Variants in CNOT4 observed in about 807,000 individuals in gnomAD.
CNOT4 encodes CCR4-associated factor 4.
A neutral mutation model predicts 73.8 loss-of-function variants in CNOT4; 8 were observed. The ratio of observed to expected loss-of-function variants is 0.11; its 90% CI spans 0.06 to 0.20. The LOEUF is 0.20. Ranked by LOEUF, CNOT4 falls within the 10% of genes least tolerant of loss-of-function variation. The pLI is 1.00. For missense variants in CNOT4, 564 were observed against 883.4 expected, an observed-to-expected ratio of 0.64 and a Z score of 4.58; for synonymous variants, 293 against 321.1, an observed-to-expected ratio of 0.91 and a Z score of 0.94.
In CNOT4 at chr7:135,362,701, A is replaced by G. The variant is rs1585532738; in HGVS notation, c.*184T>C. On this transcript the variant is annotated 3_prime_UTR_variant, in exon 12 of 12. Coordinates refer to ENST00000541284, the MANE Select transcript of CNOT4 (RefSeq NM_001190850.2). Reference sequence around the variant, plus strand: ...TGCTGGATCAACAAAAATTTTTACAATTAATAAAGAGATGGTAATGACCCT... The same window carrying G: ...TGCTGGATCAACAAAAATTTTTACAGTTAATAAAGAGATGGTAATGACCCT... 1 of 751,900 alleles carries G rather than the reference A, an allele frequency of 1.3e-6. No individual in the cohort carries two copies. Among genetic ancestry groups the G allele is most frequent in the South Asian group, 1.4e-5 (1 of 71,962 alleles). The allele number at this position is 751,900 out of a possible 1,614,324, so 46.6% of individuals were successfully genotyped here.
At chr7:135,440,061 C>A (rs950610034) in intron 1 of CNOT4, among the ~76,000 whole-genome samples, 1 of 149,508 alleles carries the variant, frequency 6.7e-6, no homozygotes. Flanking sequence ...AATTCAGAAG[C>A]CATAAAAGGA....
chr7:135,428,034 T>C (rs561784119), intron 2 of CNOT4, among the ~76,000 whole-genome samples: 1 of 152,170 alleles, frequency 6.6e-6, no homozygotes, highest in Admixed American at 6.5e-5. Context: ...CAGAGGATAG[T>C]CTCAGGGTAA....
At chr7:135,424,782 CCTT>C (rs1046412862) in intron 2 of CNOT4, among the ~76,000 whole-genome samples, 3 of 151,994 alleles carry the variant, frequency 2.0e-5, no homozygotes, top group African/African-American at 7.2e-5. Context: ...GAGCCAGACT[CCTT>C]CTCAAAAACA....
chr7:135,438,395 T>C lies in CNOT4; in HGVS notation c.-64A>G. ...TTTAAGGGAGAAGGAAGTTCAGCAC[T>C]GAAAGCTAAAATGTAGGACTTTGAC... On this transcript the variant is annotated 5_prime_UTR_variant, in exon 2 of 12. Coordinates refer to ENST00000541284, the MANE Select transcript of CNOT4 (RefSeq NM_001190850.2). 1.4e-6 allele frequency: 2 copies of C among 1,382,090 alleles called. No individual in the cohort carries two copies. The highest frequency in any genetic ancestry group is 1.9e-6 in the Non-Finnish European group (2 of 1,028,950). 85.6% of individuals were successfully genotyped at this position (1,382,090 alleles called of 1,614,324 possible).
rs1209623169 is a variant in CNOT4, at chr7:135,510,070, G to T, written c.-274C>A. ...TTTCGGTGGGTTCCACAGCCAGACG[G>T]GCCACCATCTTACATTAGGGTAAGA... On this transcript the variant is annotated 5_prime_UTR_variant, in exon 1 of 12. Coordinates refer to ENST00000541284, the MANE Select transcript of CNOT4 (RefSeq NM_001190850.2). The T allele has an allele frequency of 1.5e-5, 6 of 399,064 alleles. No homozygotes were observed. Among genetic ancestry groups the T allele is most frequent in the Non-Finnish European group, 2.7e-5 (6 of 226,192 alleles). The allele number at this position is 399,064 out of a possible 1,614,324, so 24.7% of individuals were successfully genotyped here.
At chr7:135,411,569 G>C (rs1490153998) in intron 6 of CNOT4, among the ~76,000 whole-genome samples, 1 of 151,966 alleles carries the variant, frequency 6.6e-6, no homozygotes, top group African/African-American at 2.4e-5. Flanking sequence ...ATTAGGCAAA[G>C]ATTGCCTGTG....
chr7:135,502,177 TG>T (rs1160158998), intron 1 of CNOT4, among the ~76,000 whole-genome samples: 1 of 152,238 alleles, frequency 6.6e-6, no homozygotes, highest in African/African-American at 2.4e-5. Context: ...TTATCCAGTC[TG>T]TGGTATTCTG....
chr7:135,442,868 G>A (rs1344496804), intron 1 of CNOT4, among the ~76,000 whole-genome samples: 1 of 152,020 alleles, frequency 6.6e-6, no homozygotes, highest in African/African-American at 2.4e-5. Flanking sequence ...GACCAGCCTG[G>A]GCAACACAAG....
intron 4 of CNOT4, 71 bp downstream of exon 4, chr7:135,415,105 T>TCTTATTAGCAGGCTG: frequency 1.1e-6 from 1 of 878,910 alleles, no homozygotes; most frequent in South Asian, 1.5e-5. Flanking sequence ...GAGAGCAAAG[T>TCTTATTAGCAGGCTG]TTCCTTTGGA....
chr7:135,475,754 CA>C (rs562849431), intron 1 of CNOT4, among the ~76,000 whole-genome samples: 1 of 151,876 alleles, frequency 6.6e-6, no homozygotes. Flanking sequence ...TACACACACA[CA>C]AAAAAATCAG....
At chr7:135,460,158 C>T (rs1563063412) in intron 1 of CNOT4, among the ~76,000 whole-genome samples, 1 of 152,212 alleles carries the variant, frequency 6.6e-6, no homozygotes, top group Non-Finnish European at 1.5e-5. Flanking sequence ...CTGGTTTCAT[C>T]TTCTAGGCAG....
chr7:135,467,550 A>C (rs1801299591), intron 1 of CNOT4, among the ~76,000 whole-genome samples: 2 of 152,072 alleles, frequency 1.3e-5, no homozygotes, highest in African/African-American at 4.8e-5. Flanking sequence ...ATATCCACAA[A>C]AATAAAAAAT....
chr7:135,441,460 T>C lies in CNOT4; in HGVS notation c.-92-3037A>G, dbSNP rs576623982. On this transcript the variant is annotated intron_variant, in intron 1 of 11. Coordinates refer to ENST00000541284, the MANE Select transcript of CNOT4 (RefSeq NM_001190850.2). The stretch of plus-strand genomic sequence containing the variant: ...TGCCACTATCAGTTTTCAGCATATA[T>C]ACAGTTAGGAGTTTAAAGCTGACTT... 2.1e-4 allele frequency among the ~76,000 whole-genome samples: 32 copies of C among 151,018 alleles called. No individual in the cohort carries two copies. In the South Asian group the frequency reaches 5.0e-3, roughly 24 times the overall value.
intron 10 of CNOT4, among the ~76,000 whole-genome samples, chr7:135,389,571 G>C (rs1286786459): frequency 6.6e-6 from 1 of 151,890 alleles, no homozygotes; most frequent in Non-Finnish European, 1.5e-5. Context: ...CAAGTGACTT[G>C]TTTCACACAT....
rs1794810741 is a variant in CNOT4, at chr7:135,364,516, A to G, written c.1628-450T>C. Among the ~76,000 whole-genome samples the G allele has an allele frequency of 6.6e-6, 1 of 152,270 alleles. No individual in the cohort carries two copies. The highest frequency in any genetic ancestry group is 1.5e-5 in the Non-Finnish European group (1 of 68,046). On this transcript the variant is annotated intron_variant, in intron 10 of 11. Transcript: ENST00000541284. This position sits in a 1 kb window ranked among gnomAD's most constrained non-coding sequence, Gnocchi z 4.3. Reference sequence around the variant, plus strand: ...CAAATGGAAGAAAAGTCATTTTATGAAGAATAAACATAAGCAATAGAAAAA... The same window carrying G: ...CAAATGGAAGAAAAGTCATTTTATGGAGAATAAACATAAGCAATAGAAAAA...
At chr7:135,477,463 C>G (rs1379358760) in intron 1 of CNOT4, among the ~76,000 whole-genome samples, 1 of 152,172 alleles carries the variant, frequency 6.6e-6, no homozygotes, top group South Asian at 2.1e-4. Context: ...CCACTGTAAA[C>G]AATTCCTGTG....
At chr7:135,381,251 T>G (rs1795831060) in intron 10 of CNOT4, among the ~76,000 whole-genome samples, 1 of 152,222 alleles carries the variant, frequency 6.6e-6, no homozygotes, top group Non-Finnish European at 1.5e-5. Flanking sequence ...AAGATTTAAC[T>G]GAAAATTGCT....
At chr7:135,446,738 G>GAC (rs149248583) in intron 1 of CNOT4, among the ~76,000 whole-genome samples, 4 of 149,936 alleles carry the variant, frequency 2.7e-5, no homozygotes, top group African/African-American at 7.3e-5. Flanking sequence ...CACACACACA[G>GAC]ACACACACAC....
intron 10 of CNOT4, among the ~76,000 whole-genome samples, chr7:135,379,495 AAAAGG>A (rs1413341076): frequency 6.6e-6 from 1 of 152,218 alleles, no homozygotes; most frequent in Non-Finnish European, 1.5e-5. Context: ...GTTTAGAAGG[AAAAGG>A]AAACATATCT....
Sources: gnomAD v4.1 joint callset for allele counts (sites outside exome capture counted in the v4.1 genomes callset) on GRCh38, gnomAD v4.1.1 for gene constraint, Gnocchi (gnomAD v3.1) non-coding constraint, MANE v1.5 for transcripts, NCBI Gene and HGNC (gene_info 2026-07-23, HGNC 2026-07-21) for gene names.